The following SNRK variants were observed in gnomAD, a reference collection of about 807,000 sequenced individuals.
SNRK encodes the protein SNF related kinase, also known as SNF-related serine/threonine-protein kinase.
Under a neutral mutation model 48.2 loss-of-function variants are expected in SNRK, and 3 were observed. The observed-to-expected ratio is 0.06, with a 90% CI of 0.03 to 0.16. The LOEUF (loss-of-function observed/expected upper bound fraction) is 0.16, where lower values mean the gene tolerates loss of function less well. Ranked by LOEUF, SNRK falls within the 10% of genes least tolerant of loss-of-function variation. SNRK has a pLI of 1.00. For synonymous variants in SNRK, 376 were observed against 366.1 expected, an observed-to-expected ratio of 1.03 and a Z score of -0.31; for missense variants, 627 against 976.0, an observed-to-expected ratio of 0.64 and a Z score of 4.76.
Position 43,347,999 on chromosome 3 carries a change from C to T in SNRK, c.1740C>T (p.Gly580=), listed in dbSNP as rs758927164. 2.0e-5 allele frequency: 33 copies of T among 1,613,022 alleles called. No individual in the cohort carries two copies. Among genetic ancestry groups the T allele is most frequent in the East Asian group, 4.5e-5 (2 of 44,880 alleles). The change falls in exon 7 of 7, where the codon GGC becomes GGT. Residue 580 remains glycine, a synonymous_variant. Coordinates refer to ENST00000296088, the MANE Select transcript of SNRK (RefSeq NM_017719.5). This position sits in a 1 kb window ranked among gnomAD's most constrained non-coding sequence, Gnocchi z 5.4. ...GGCCCCCTGGCAGTGAGGGGGATGG[C>T]GGGGGCCAGAGCAAGCCAAGCAATG... The part of the protein sequence containing the change: ...SEGPPGSEGD[G]GGQSKPSNAS...
chr3:43,328,362 T>G (rs1401816072), intron 3 of SNRK, among the ~76,000 whole-genome samples: 1 of 151,842 alleles, frequency 6.6e-6, no homozygotes, highest in Non-Finnish European at 1.5e-5. Context: ...AAATGAATGG[T>G]TTTTCTTTTT....
intron 3 of SNRK, among the ~76,000 whole-genome samples, chr3:43,315,855 C>T (rs894364565): frequency 6.6e-6 from 1 of 152,140 alleles, no homozygotes; most frequent in Non-Finnish European, 1.5e-5. Context: ...AATGAAATGT[C>T]ACATACTCTG....
chr3:43,297,620 TA>T (rs1410394828), intron 1 of SNRK, among the ~76,000 whole-genome samples: 9 of 152,160 alleles, frequency 5.9e-5, no homozygotes, highest in Non-Finnish European at 1.3e-4. Context: ...CTGTATGTTC[TA>T]ATTGTAGTTT....
At position 43,347,632 on chromosome 3, in the gene SNRK, C is replaced by G. The variant is rs760642858; in HGVS notation, c.1373C>G (p.Pro458Arg). 4 of 1,613,838 alleles carry G rather than the reference C, an allele frequency of 2.5e-6. No individual in the cohort carries two copies. The highest frequency in any genetic ancestry group is 3.4e-6 in the Non-Finnish European group (4 of 1,179,998). The change falls in exon 7 of 7, where the codon CCC (proline) becomes CGC (arginine). Residue 458 changes from proline to arginine, a missense_variant. This residue lies in a region of SNRK where 175 missense variants were observed against 209.7 expected (regional missense o/e 0.83). Transcript: ENST00000296088. The surrounding 1 kb of genome is among the most constrained non-coding windows in gnomAD (Gnocchi z 5.4). ...DEEEDEEDKK[P>R]MSLSTQVVLR... ...GAGGAAGATGAGGAGGACAAGAAAC[C>G]CATGTCCCTCTCAACACAAGTGGTT...
At chr3:43,343,710 G>T (rs2091254778) in intron 6 of SNRK, among the ~76,000 whole-genome samples, 1 of 152,086 alleles carries the variant, frequency 6.6e-6, no homozygotes, top group African/African-American at 2.4e-5. Context: ...GGCTGTGTCT[G>T]TTGGCATGGT....
At position 43,349,641 on chromosome 3, in the gene SNRK, G is replaced by T. The variant is rs1009696857; in HGVS notation, c.*1084G>T. On this transcript the variant is annotated 3_prime_UTR_variant, in exon 7 of 7. Transcript: ENST00000296088. ...CATACAGCAAACAAAAATGCACAAA[G>T]CCTGCTTCGTAACTTTTTTTTCTGG... The T allele has an allele frequency of 6.6e-6, 1 of 152,138 alleles. No individual in the cohort carries two copies. The highest frequency in any genetic ancestry group is 1.5e-5 in the Non-Finnish European group (1 of 68,032). 9.4% of individuals were successfully genotyped at this position (152,138 alleles called of 1,614,324 possible).
chr3:43,336,829 G>A (rs1432197240), intron 4 of SNRK, among the ~76,000 whole-genome samples: 1 of 152,046 alleles, frequency 6.6e-6, no homozygotes, highest in Non-Finnish European at 1.5e-5. Context: ...TCGGCTTGCT[G>A]CAAGCTCTGC....
In SNRK at chr3:43,300,608, G is replaced by GCCC. The variant is rs34151308; in HGVS notation, c.-107+801_-107+803dup. Among the ~76,000 whole-genome samples the GCCC allele has an allele frequency of 2.8e-3, 406 of 147,092 alleles. 1 individual carries two copies. The highest frequency in any genetic ancestry group is 0.01 in the African/African-American group (384 of 37,802). The stretch of plus-strand genomic sequence containing the variant: ...GTTAAATATTTAAAGATAGTTTCCT[G>GCCC]CCCCCCCCCCAGAGTTTTTATATTT... On this transcript the variant is annotated intron_variant, in intron 2 of 6. Transcript: ENST00000296088.
Position 43,312,385 on chromosome 3 carries a change from G to A in SNRK, c.589+8593G>A, listed in dbSNP as rs569199482. Reference sequence around the variant, plus strand: ...ATGGGGTGTGTCCTCACACATATTGGTGTGTAAAAAACTAGACATCTTTTC... The same window carrying A: ...ATGGGGTGTGTCCTCACACATATTGATGTGTAAAAAACTAGACATCTTTTC... On this transcript the variant is annotated intron_variant, in intron 3 of 6. Coordinates refer to ENST00000296088, the MANE Select transcript of SNRK (RefSeq NM_017719.5). 5.9e-5 allele frequency among the ~76,000 whole-genome samples: 9 copies of A among 152,256 alleles called. No homozygotes were observed. In the South Asian group the frequency reaches 1.9e-3, roughly 32 times the overall value.
chr3:43,314,778 T>G (rs569468976), intron 3 of SNRK, among the ~76,000 whole-genome samples: 8 of 152,290 alleles, frequency 5.3e-5, no homozygotes, highest in Admixed American at 3.9e-4. Flanking sequence ...GGCCTCGTAG[T>G]GTGTGCCTAT....
At chr3:43,288,302 C>T (rs2090781992) in intron 1 of SNRK, among the ~76,000 whole-genome samples, 1 of 151,972 alleles carries the variant, frequency 6.6e-6, no homozygotes, top group South Asian at 2.1e-4. Flanking sequence ...TTACTCTCAC[C>T]GTATTTTTTA....
At chr3:43,336,154 G>A (rs534356188) in intron 4 of SNRK, among the ~76,000 whole-genome samples, 3 of 150,888 alleles carry the variant, frequency 2.0e-5, no homozygotes, top group African/African-American at 7.3e-5. Context: ...TGGAGTTGAT[G>A]GAGGATTCCT....
chr3:43,315,912 G>A (rs1169164088), intron 3 of SNRK, among the ~76,000 whole-genome samples: 1 of 152,132 alleles, frequency 6.6e-6, no homozygotes, highest in Non-Finnish European at 1.5e-5. Context: ...CATATAAAAC[G>A]AGAAGGAAAG....
intron 3 of SNRK, among the ~76,000 whole-genome samples, chr3:43,320,669 T>C (rs1224977066): frequency 6.6e-6 from 1 of 152,206 alleles, no homozygotes; most frequent in Non-Finnish European, 1.5e-5. Flanking sequence ...AGCTGGGTTT[T>C]TTTTTTCCCC....
At position 43,297,988 on chromosome 3, in the gene SNRK, A is replaced by G. The variant is rs1027180527; in HGVS notation, c.-168-1766A>G. ...TCATTCGCTTGAAGTAGGGTCAGCA[A>G]CTGAAAGAATTTCTGCTTGGATGGT... On this transcript the variant is annotated intron_variant, in intron 1 of 6. Transcript: ENST00000296088. Among the ~76,000 whole-genome samples the G allele has an allele frequency of 4.6e-5, 7 of 152,262 alleles. No homozygotes were observed. The South Asian group carries it at 1.2e-3, about 27-fold the overall frequency.
chr3:43,329,414 G>C (rs1264059783), intron 3 of SNRK, among the ~76,000 whole-genome samples: 2 of 151,928 alleles, frequency 1.3e-5, no homozygotes, highest in Non-Finnish European at 2.9e-5. Context: ...CTCCAGCCTG[G>C]GTGACAGAGC....
chr3:43,318,261 G>T (rs1234230607), intron 3 of SNRK, among the ~76,000 whole-genome samples: 1 of 152,064 alleles, frequency 6.6e-6, no homozygotes, highest in African/African-American at 2.4e-5. Flanking sequence ...CATGTTTTTA[G>T]TTGTATTTAA....
chr3:43,328,709 A>G (rs2091121730), intron 3 of SNRK, among the ~76,000 whole-genome samples: 1 of 152,166 alleles, frequency 6.6e-6, no homozygotes, highest in South Asian at 2.1e-4. Flanking sequence ...ATTACTAAGA[A>G]TAAGAAGCTT....
Position 43,323,036 on chromosome 3 carries a change from CAT to C in SNRK, c.590-9130_590-9129del, listed in dbSNP as rs993208701. 1.3e-3 allele frequency among the ~76,000 whole-genome samples: 194 copies of C among 149,056 alleles called. 3 individuals are homozygous for C. Among genetic ancestry groups the C allele is most frequent in the African/African-American group, 4.6e-3 (186 of 40,532 alleles). ...TAGAAAGTCCATAAATAAACCTACA[CAT>C]ATGTGGCCAGTTGATTTTCAACAAA... On this transcript the variant is annotated intron_variant, in intron 3 of 6. Coordinates refer to ENST00000296088, the MANE Select transcript of SNRK (RefSeq NM_017719.5).
Sources: gnomAD v4.1 joint callset for allele counts (sites outside exome capture counted in the v4.1 genomes callset) on GRCh38, gnomAD v4.1.1 for gene constraint, gnomAD v4.1.1 regional missense constraint, Gnocchi (gnomAD v3.1) non-coding constraint, MANE v1.5 for transcripts, NCBI Gene and HGNC (gene_info 2026-07-23, HGNC 2026-07-21) for gene names.